The following LCOR variants were observed in gnomAD, a reference collection of about 807,000 sequenced individuals.
LCOR encodes the protein ligand dependent nuclear receptor corepressor, also known as ligand-dependent corepressor.
LCOR carries 14 observed loss-of-function variants against 64.4 expected under a neutral mutation model. The observed-to-expected ratio is 0.22, with a 90% CI of 0.14 to 0.34. LCOR has a LOEUF of 0.34. LCOR is among the 10% of genes least tolerant of loss of function. LCOR has a pLI of 1.00. For synonymous variants in LCOR, 643 were observed against 642.5 expected, an observed-to-expected ratio of 1.00 and a Z score of -0.01; for missense variants, 1,686 against 1,765.3, an observed-to-expected ratio of 0.96 and a Z score of 0.80.
intron 2 of LCOR, among the ~76,000 whole-genome samples, chr10:96,892,821 G>T (rs1846469353): frequency 6.6e-6 from 1 of 152,060 alleles, no homozygotes; most frequent in African/African-American, 2.4e-5. Context: ...TGTGTCTTTG[G>T]ATCTAAAGCA....
chr10:96,906,090 A>G (rs997679125), intron 2 of LCOR, among the ~76,000 whole-genome samples: 1 of 152,180 alleles, frequency 6.6e-6, no homozygotes, highest in African/African-American at 2.4e-5. Flanking sequence ...GGCAGGATAT[A>G]GTATTTTAAA....
intron 2 of LCOR, among the ~76,000 whole-genome samples, chr10:96,856,642 A>G (rs1564604724): frequency 6.6e-6 from 1 of 151,998 alleles, no homozygotes. Context: ...TGCCCAGCTA[A>G]TCTTTTATTA....
At chr10:96,891,638 G>A (rs1488895027) in intron 2 of LCOR, among the ~76,000 whole-genome samples, 1 of 134,454 alleles carries the variant, frequency 7.4e-6, no homozygotes, top group Non-Finnish European at 1.5e-5. Flanking sequence ...TGCCTCCCAG[G>A]TTCAAGCAGT....
chr10:96,920,751 T>TACACACACACACAC (rs55839435), intron 4 of LCOR, among the ~76,000 whole-genome samples: 66 of 118,862 alleles, frequency 5.6e-4, no homozygotes, highest in Non-Finnish European at 7.0e-4. Context: ...TATATATGTA[T>TACACACACACACAC]ACACACACAC....
chr10:96,839,389 G>T (rs1180511793), intron 2 of LCOR, among the ~76,000 whole-genome samples: 1 of 152,172 alleles, frequency 6.6e-6, no homozygotes, highest in African/African-American at 2.4e-5. Flanking sequence ...AATAAGGAGC[G>T]TAGTAATAGA....
intron 4 of LCOR, among the ~76,000 whole-genome samples, chr10:96,936,835 G>GT (rs1847359120): frequency 6.6e-6 from 1 of 151,826 alleles, no homozygotes; most frequent in Non-Finnish European, 1.5e-5. Flanking sequence ...TATATACTAT[G>GT]TTTTTTTCCT....
chr10:96,873,285 CATT>C (rs954843075), intron 2 of LCOR, among the ~76,000 whole-genome samples: 72 of 152,152 alleles, frequency 4.7e-4, no homozygotes, highest in African/African-American at 1.6e-3. Context: ...TGGGGAAAAA[CATT>C]ATGAGGGGAA....
intron 4 of LCOR, among the ~76,000 whole-genome samples, chr10:96,943,120 G>A (rs921559134): frequency 1.5e-4 from 20 of 133,490 alleles, no homozygotes; most frequent in Admixed American, 1.4e-3. Flanking sequence ...TTGTTTTTGA[G>A]ACAAAGTCTT....
At chr10:96,931,463 T>TG (rs1294605261) in intron 4 of LCOR, among the ~76,000 whole-genome samples, 1 of 152,152 alleles carries the variant, frequency 6.6e-6, no homozygotes, top group African/African-American at 2.4e-5. Flanking sequence ...CTCAAACTCC[T>TG]GACCTCAAGT....
intron 7 of LCOR, chr10:96,963,277 A>G (rs999824815): frequency 6.6e-6 from 1 of 152,234 alleles, no homozygotes; most frequent in African/African-American, 2.4e-5. Flanking sequence ...AAACATGCAC[A>G]GTTAAACTAT....
intron 2 of LCOR, among the ~76,000 whole-genome samples, chr10:96,879,272 A>G (rs1846221150): frequency 1.3e-5 from 2 of 152,250 alleles, no homozygotes; most frequent in Non-Finnish European, 2.9e-5. Flanking sequence ...CCACACAGCT[A>G]GAAAAGGTAG....
chr10:96,865,937 A>C (rs921930336), intron 2 of LCOR, among the ~76,000 whole-genome samples: 1 of 151,840 alleles, frequency 6.6e-6, no homozygotes, highest in East Asian at 1.9e-4. Context: ...AAGGTTTGCT[A>C]ATATCCTTTT....
intron 2 of LCOR, among the ~76,000 whole-genome samples, chr10:96,893,468 A>G (rs920416580): frequency 1.3e-5 from 2 of 152,184 alleles, no homozygotes; most frequent in Non-Finnish European, 2.9e-5. Flanking sequence ...GAAGAAGACA[A>G]ATTGTCCAAG....
At chr10:96,832,952 C>T (rs1187498209) in intron 1 of LCOR, 3 of 977,024 alleles carry the variant, frequency 3.1e-6, no homozygotes, top group Non-Finnish European at 3.6e-6. Flanking sequence ...GGCGCTCGGG[C>T]GTGTGCGAAG....
At position 96,994,646 on chromosome 10, in the gene LCOR, A is replaced by T. The variant is rs1848228218; in HGVS notation, c.*9512A>T. 1 of 148,528 alleles carries T rather than the reference A, an allele frequency of 6.7e-6. No individual in the cohort carries two copies. The highest frequency in any genetic ancestry group is 2.5e-5 in the African/African-American group (1 of 40,044). 9.2% of individuals were successfully genotyped at this position (148,528 alleles called of 1,614,324 possible). A position where few individuals can be genotyped will look rare whatever the true frequency, so the allele number is the denominator to read the frequency against. On this transcript the variant is annotated 3_prime_UTR_variant, in exon 8 of 8. Coordinates refer to ENST00000421806, the MANE Select transcript of LCOR (RefSeq NM_001346516.2). ...GGAAGAAATTGACCTGTATTGTATC[A>T]TTGGGGAGGCGACTACTTCTTGTGG...
chr10:96,954,107 T>TA (rs1847725702), intron 7 of LCOR, among the ~76,000 whole-genome samples: 1 of 152,218 alleles, frequency 6.6e-6, no homozygotes, highest in Admixed American at 6.5e-5. Context: ...AGAAAACTGC[T>TA]AAAAAATTGT....
At chr10:96,946,932 A>G (rs554264356) in intron 5 of LCOR, among the ~76,000 whole-genome samples, 2 of 152,074 alleles carry the variant, frequency 1.3e-5, no homozygotes, top group Non-Finnish European at 2.9e-5. Context: ...TATGTATTAC[A>G]TATTCTCCCA....
chr10:96,955,221 G>A (rs781713059), intron 7 of LCOR: 3 of 1,614,118 alleles, frequency 1.9e-6, no homozygotes, highest in East Asian at 2.2e-5. Flanking sequence ...ACCACATTAC[G>A]AGTTCAACCT....
intron 2 of LCOR, among the ~76,000 whole-genome samples, chr10:96,887,349 C>T (rs184539174): frequency 5.9e-4 from 89 of 152,118 alleles, no homozygotes; most frequent in African/African-American, 2.1e-3. Context: ...GGGTGGATCA[C>T]GAGGTCAGGA....
Sources: allele counts gnomAD v4.1 joint callset (sites outside exome capture counted in the v4.1 genomes callset), GRCh38; gene constraint gnomAD v4.1.1; transcripts MANE v1.5; gene names NCBI Gene and HGNC (gene_info 2026-07-23, HGNC 2026-07-21).